Variants in TEX36 observed in about 807,000 individuals in gnomAD.
TEX36 encodes testis expressed 36.
A neutral mutation model predicts 13.6 loss-of-function variants in TEX36; 12 were observed. The observed-to-expected ratio is 0.88, with a 90% CI of 0.56 to 1.43. TEX36 has a LOEUF of 1.43. Among genes scored for constraint, TEX36 ranks in the 40% most tolerant of loss-of-function variants. TEX36 has a pLI of 0.00. For synonymous variants in TEX36, 93 were observed against 83.0 expected (o/e 1.12, Z -0.65); for missense variants, 224 against 228.3 (o/e 0.98, Z 0.12).
intron 3 of TEX36, among the ~76,000 whole-genome samples, chr10:125,637,627 C>T (rs1846637541): frequency 6.6e-6 from 1 of 152,052 alleles, no homozygotes. Flanking sequence ...CAGTTGTCAG[C>T]CCTGGCTGAC....
intron 3 of TEX36, among the ~76,000 whole-genome samples, chr10:125,656,938 G>A (rs531996914): frequency 1.3e-5 from 2 of 152,200 alleles, no homozygotes; most frequent in South Asian, 4.2e-4. Context: ...AAAGTCTGAG[G>A]AGGCTGAATT....
At chr10:125,633,586 C>T (rs1460827946) in intron 3 of TEX36, among the ~76,000 whole-genome samples, 1 of 152,216 alleles carries the variant, frequency 6.6e-6, no homozygotes, top group African/African-American at 2.4e-5. Flanking sequence ...CTTCCAGTCC[C>T]TCCCCATAAG....
chr10:125,610,391 G>A (rs1446622999), intron 3 of TEX36, among the ~76,000 whole-genome samples: 4 of 152,128 alleles, frequency 2.6e-5, no homozygotes, highest in Non-Finnish European at 5.9e-5. Flanking sequence ...TGTATATCCT[G>A]CCGTTTTCAA....
intron 3 of TEX36, among the ~76,000 whole-genome samples, chr10:125,647,866 T>C (rs1014661380): frequency 1.3e-5 from 2 of 152,248 alleles, no homozygotes; most frequent in African/African-American, 4.8e-5. Flanking sequence ...ATCCCGCGCC[T>C]GGCTCAGAGG....
intron 3 of TEX36, among the ~76,000 whole-genome samples, chr10:125,601,603 G>A (rs1053713332): frequency 6.6e-6 from 1 of 152,270 alleles, no homozygotes; most frequent in Admixed American, 6.5e-5. Flanking sequence ...CAGCTTGCCA[G>A]CTTGGTTTAG....
Position 125,671,043 on chromosome 10 carries a change from T to C in TEX36, c.52-9066A>G, listed in dbSNP as rs143221306. Reference sequence around the variant, plus strand: ...TGCCTCCAGTTTTTTTCTGAGATTATGGGGTTTTCTAGATATGGGATCATG... The same window carrying C: ...TGCCTCCAGTTTTTTTCTGAGATTACGGGGTTTTCTAGATATGGGATCATG... On this transcript the variant is annotated intron_variant, in intron 1 of 3. Transcript: ENST00000368821. 5.8e-3 allele frequency among the ~76,000 whole-genome samples: 887 copies of C among 152,318 alleles called. 9 individuals are homozygous for C. Among genetic ancestry groups the C allele is most frequent in the African/African-American group, 0.02 (828 of 41,576 alleles).
chr10:125,678,379 C>A (rs1004112592), intron 1 of TEX36, among the ~76,000 whole-genome samples: 13 of 151,900 alleles, frequency 8.6e-5, no homozygotes, highest in Non-Finnish European at 1.8e-4. Context: ...ACTGAGATGC[C>A]AGGTAGGTCA....
chr10:125,593,039 T>A (rs1241470424), intron 3 of TEX36, among the ~76,000 whole-genome samples: 1 of 152,350 alleles, frequency 6.6e-6, no homozygotes, highest in Non-Finnish European at 1.5e-5. Context: ...GTAGGCGTGA[T>A]GGATTACATC....
chr10:125,662,518 A>G (rs768544388), intron 1 of TEX36, among the ~76,000 whole-genome samples: 1 of 152,164 alleles, frequency 6.6e-6, no homozygotes, highest in African/African-American at 2.4e-5. Flanking sequence ...GGGTAGAAGG[A>G]TGTGAAGCAA....
chr10:125,643,471 C>T (rs555460782), intron 3 of TEX36, among the ~76,000 whole-genome samples: 3 of 152,144 alleles, frequency 2.0e-5, no homozygotes, highest in South Asian at 4.1e-4. Flanking sequence ...AGGCCGGGCA[C>T]GATGGCTCAT....
At chr10:125,581,244 G>A (rs1349317626) in intron 3 of TEX36, among the ~76,000 whole-genome samples, 1 of 152,140 alleles carries the variant, frequency 6.6e-6, no homozygotes, top group Non-Finnish European at 1.5e-5. Flanking sequence ...TCGGGGACGG[G>A]AGTTGATTGA....
At chr10:125,601,957 C>A (rs559065947) in intron 3 of TEX36, among the ~76,000 whole-genome samples, 1 of 152,178 alleles carries the variant, frequency 6.6e-6, no homozygotes, top group South Asian at 2.1e-4. Flanking sequence ...GCTCTTGCTG[C>A]TCTGCCAAAG....
At chr10:125,662,572 C>G (rs60473836) in intron 1 of TEX36, among the ~76,000 whole-genome samples, 2 of 152,120 alleles carry the variant, frequency 1.3e-5, no homozygotes, top group East Asian at 3.9e-4. Context: ...TCCTTGCAAT[C>G]TCCCAACAAA....
At chr10:125,607,325 A>G (rs297222) in intron 3 of TEX36, among the ~76,000 whole-genome samples, 34,851 of 152,206 alleles carry the variant, frequency 0.23, 5,943 homozygotes, top group African/African-American at 0.48. Context: ...GACAATATTT[A>G]TGAGGCTGGT....
At chr10:125,609,910 C>T (rs1051463866) in intron 3 of TEX36, among the ~76,000 whole-genome samples, 21 of 152,328 alleles carry the variant, frequency 1.4e-4, no homozygotes, top group Middle Eastern at 3.4e-3. Flanking sequence ...GAAGACCCTG[C>T]TGATAAAACA....
chr10:125,658,338 T>C (rs1475466759), intron 3 of TEX36, among the ~76,000 whole-genome samples: 1 of 152,074 alleles, frequency 6.6e-6, no homozygotes, highest in African/African-American at 2.4e-5. Context: ...ACACTTCATA[T>C]TGATAAACGG....
downstream of TEX36, among the ~76,000 whole-genome samples, chr10:125,618,942 T>TAAAAAAAAAAAAA (rs11452140): frequency 5.0e-4 from 22 of 43,580 alleles, 3 homozygotes; most frequent in African/African-American, 1.9e-3. Flanking sequence ...CCGTCTCTAC[T>TAAAAAAAAAAAAA]AAAAAAAAAA....
chr10:125,653,489 G>A (rs1048563468), downstream of TEX36, among the ~76,000 whole-genome samples: 2 of 127,402 alleles, frequency 1.6e-5, no homozygotes, highest in African/African-American at 2.9e-5. Flanking sequence ...GCCTGTCATG[G>A]GGTGGGGGGA....
chr10:125,642,802 A>G (rs1446813756), intron 3 of TEX36, among the ~76,000 whole-genome samples: 3 of 152,152 alleles, frequency 2.0e-5, no homozygotes, highest in Admixed American at 2.0e-4. Context: ...CTCAGACAAG[A>G]GGTCTTTAGG....
Sources: gnomAD v4.1 joint callset for allele counts (sites outside exome capture counted in the v4.1 genomes callset) on GRCh38, gnomAD v4.1.1 for gene constraint, MANE v1.5 for transcripts, NCBI Gene and HGNC (gene_info 2026-07-23, HGNC 2026-07-21) for gene names.